Variants in ZFR2 observed in about 807,000 individuals in gnomAD.
ZFR2 encodes zinc finger RNA binding protein 2.
A neutral mutation model predicts 105.7 loss-of-function variants in ZFR2; 104 were observed. The observed-to-expected ratio is 0.98, with a 90% CI of 0.84 to 1.16. The LOEUF (loss-of-function observed/expected upper bound fraction) is 1.16. Among genes scored for constraint, ZFR2 ranks in the 50% most tolerant of loss-of-function variants. The pLI, the probability that ZFR2 is intolerant of heterozygous loss-of-function variation, is 0.00. For missense variants in ZFR2, 1,425 were observed against 1,355.5 expected (o/e 1.05, Z -0.80); for synonymous variants, 634 against 597.7 (o/e 1.06, Z -0.89).
At position 3,829,319 on chromosome 19, in the gene ZFR2, G is replaced by A. The variant is rs544577290; in HGVS notation, c.853-1666C>T. Among the ~76,000 whole-genome samples, 25 of 145,744 alleles carry A rather than the reference G, an allele frequency of 1.7e-4. 1 individual carries two copies. Among genetic ancestry groups the A allele is most frequent in the African/African-American group, 6.2e-4 (22 of 35,508 alleles). On this transcript the variant is annotated intron_variant, in intron 5 of 18. Coordinates refer to ENST00000262961, the MANE Select transcript of ZFR2 (RefSeq NM_015174.2). The stretch of plus-strand genomic sequence containing the variant: ...ATTACCTAAGCAATAGAATAAATAC[G>A]CATCCCTGTGCACACATACTAACTT...
In ZFR2 at chr19:3,813,296, G is replaced by T. The variant is rs142444071; in HGVS notation, c.2242+524C>A. On this transcript the variant is annotated intron_variant, in intron 14 of 18. Coordinates refer to ENST00000262961, the MANE Select transcript of ZFR2 (RefSeq NM_015174.2). This position sits in a 1 kb window ranked among gnomAD's most constrained non-coding sequence, Gnocchi z 4.4. ...ACTGATGCCTGTCTTCGCTGTGGCC[G>T]CTGGCCAAGACCCTCGCTGCCCCTA... 1.3e-5 allele frequency among the ~76,000 whole-genome samples: 2 copies of T among 152,184 alleles called. No homozygotes were observed. Among genetic ancestry groups the T allele is most frequent in the Non-Finnish European group, 2.9e-5 (2 of 68,026 alleles).
chr19:3,831,990 A>T (rs1444516103), intron 3 of ZFR2, 112 bp from the exon 4 acceptor site: 1 of 915,956 alleles, frequency 1.1e-6, no homozygotes, highest in East Asian at 2.9e-5. Context: ...TTAAGCCAGG[A>T]CCAGAGGCCA....
In ZFR2 at chr19:3,820,904, TCGGGGG is replaced by T. The variant is rs1190078878; in HGVS notation, c.1631+430_1631+435del. Among the ~76,000 whole-genome samples the T allele has an allele frequency of 7.6e-4, 70 of 91,504 alleles. 8 individuals carry two copies. Among genetic ancestry groups the T allele is most frequent in the African/African-American group, 3.0e-3 (66 of 22,266 alleles). 60.0% of individuals were successfully genotyped at this position (91,504 alleles called of 152,430 possible). A position where few individuals can be genotyped will look rare whatever the true frequency, so the allele number is the denominator to read the frequency against. On this transcript the variant is annotated intron_variant, in intron 10 of 18. Coordinates refer to ENST00000262961, the MANE Select transcript of ZFR2 (RefSeq NM_015174.2). ...TCGGGGGACACAGGGACACTAGAGG[TCGGGGG>T]ACACAGGGACACCGGGGGTCGGGGG...
chr19:3,827,349 C>T (rs1172925350), intron 6 of ZFR2, 122 bp downstream of exon 6: 44 of 1,257,664 alleles, frequency 3.5e-5, no homozygotes, highest in Non-Finnish European at 4.4e-5. Flanking sequence ...TTGGGGCGCG[C>T]TCCACTTGGG....
intron 1 of ZFR2, among the ~76,000 whole-genome samples, chr19:3,846,642 C>T (rs2038187420): frequency 6.6e-6 from 1 of 152,210 alleles, no homozygotes; most frequent in South Asian, 2.1e-4. Context: ...TGTCCCGATT[C>T]ATTCACCTTT....
At chr19:3,833,308 G>A (rs1173711909) in intron 3 of ZFR2, among the ~76,000 whole-genome samples, 1 of 151,078 alleles carries the variant, frequency 6.6e-6, no homozygotes, top group Non-Finnish European at 1.5e-5. Context: ...CGGGCATGGT[G>A]GCTCACGCCT....
chr19:3,829,118 C>T (rs1213890894), intron 5 of ZFR2, among the ~76,000 whole-genome samples: 1 of 151,972 alleles, frequency 6.6e-6, no homozygotes, highest in African/African-American at 2.4e-5. Context: ...TCTGCCACCA[C>T]GCCTGGCTAA....
intron 16 of ZFR2, among the ~76,000 whole-genome samples, chr19:3,809,358 T>A (rs1159571737): frequency 1.3e-5 from 2 of 152,072 alleles, no homozygotes; most frequent in Non-Finnish European, 2.9e-5. Flanking sequence ...CACAGTGACA[T>A]CACATGCCAG....
At chr19:3,828,816 G>A (rs764017303) in intron 5 of ZFR2, among the ~76,000 whole-genome samples, 1 of 152,112 alleles carries the variant, frequency 6.6e-6, no homozygotes, top group Non-Finnish European at 1.5e-5. Flanking sequence ...GAAAATACTG[G>A]GGCACAGTGG....
At chr19:3,837,474 CAAACACCATGACCATGACACTCAAT>C (rs1568427061) in intron 1 of ZFR2, among the ~76,000 whole-genome samples, 1 of 149,296 alleles carries the variant, frequency 6.7e-6, no homozygotes, top group Admixed American at 6.7e-5. Context: ...ATGGGACACT[CAAACACCATGACCATGACACTCAAT>C]GAACACCGTG....
rs1462154523 is a variant in ZFR2 at position 3,813,894 on chromosome 19, CAGG to C, written c.2165_2167del (p.Ser722del). Reference sequence around the variant, plus strand: ...GGTGACCTGCATCCTGGGCTCCTCACAGGAGGAGATGACAATGTTGGCTTCAGG... The same window carrying C: ...GGTGACCTGCATCCTGGGCTCCTCACAGGAGATGACAATGTTGGCTTCAGG... On this transcript the variant is annotated inframe_deletion, in exon 14 of 19. Coordinates refer to ENST00000262961, the MANE Select transcript of ZFR2 (RefSeq NM_015174.2). This position sits in a 1 kb window ranked among gnomAD's most constrained non-coding sequence, Gnocchi z 4.4. 2.5e-6 allele frequency: 4 copies of C among 1,613,962 alleles called. No homozygotes were observed. In the East Asian group the frequency reaches 8.9e-5, roughly 36 times the overall value.
intron 3 of ZFR2, 115 bp from the exon 4 acceptor site, chr19:3,831,993 A>AG: frequency 1.1e-6 from 1 of 883,502 alleles, no homozygotes; most frequent in Non-Finnish European, 1.6e-6. Context: ...AGCCAGGACC[A>AG]GAGGCCAGAG....
chr19:3,807,280 G>C lies in ZFR2; in HGVS notation c.2546-11C>G, dbSNP rs745308385. On this transcript the variant is annotated splice_polypyrimidine_tract_variant and intron_variant, in intron 17 of 18. Coordinates refer to ENST00000262961, the MANE Select transcript of ZFR2 (RefSeq NM_015174.2). ...GGAGCCCGGGCCCGTCTTTGTGACG[G>C]GGAGTGGGAACAGCAAAGAAGGCGA... 14 of 1,547,380 alleles carry C rather than the reference G, an allele frequency of 9.0e-6. No homozygotes were observed. The highest frequency in any genetic ancestry group is 1.2e-5 in the Non-Finnish European group (14 of 1,142,972).
At chr19:3,817,156 C>T (rs1398564115) in intron 12 of ZFR2, among the ~76,000 whole-genome samples, 1 of 152,330 alleles carries the variant, frequency 6.6e-6, no homozygotes, top group East Asian at 1.9e-4. Flanking sequence ...GGTCTGGTGG[C>T]TCCCGCGTTC....
At position 3,851,177 on chromosome 19, in the gene ZFR2, C is replaced by T. The variant is rs575324759; in HGVS notation, c.54-16194G>A. 3.3e-5 allele frequency among the ~76,000 whole-genome samples: 5 copies of T among 152,176 alleles called. 1 individual carries two copies. The South Asian group carries it at 1.0e-3, about 32-fold the overall frequency. ...AGAGGGGAGCAGTTAGAGGGAAGGC[C>T]CATTAAGGACACGAGACACACAGGG... On this transcript the variant is annotated intron_variant, in intron 1 of 18. Transcript: ENST00000262961.
chr19:3,821,994 G>C (rs1030805242), intron 9 of ZFR2, 87 bp downstream of exon 9: 21 of 1,479,760 alleles, frequency 1.4e-5, no homozygotes, highest in Non-Finnish European at 1.8e-5. Flanking sequence ...TCACACGCGC[G>C]GAAGAGGCCC....
In ZFR2 at chr19:3,806,132, G is replaced by A. The variant is rs1240190062; in HGVS notation, c.2644-7C>T. 2 of 1,430,966 alleles carry A rather than the reference G, an allele frequency of 1.4e-6. No homozygotes were observed. Among genetic ancestry groups the A allele is most frequent in the South Asian group, 2.9e-5 (2 of 68,096 alleles). 88.6% of individuals were successfully genotyped at this position (1,430,966 alleles called of 1,614,324 possible). A position where few individuals can be genotyped will look rare whatever the true frequency, so the allele number is the denominator to read the frequency against. On this transcript the variant is annotated splice_region_variant and splice_polypyrimidine_tract_variant and intron_variant, in intron 18 of 18. Transcript: ENST00000262961. The stretch of plus-strand genomic sequence containing the variant: ...CCAGCATTCGCAGGGCGTGCTGCGG[G>A]GCACACACAGCCTGTCAGGACCCCC...
chr19:3,864,945 C>T (rs1026190843), intron 1 of ZFR2, among the ~76,000 whole-genome samples: 2 of 151,994 alleles, frequency 1.3e-5, no homozygotes, highest in African/African-American at 2.4e-5. Flanking sequence ...GATTGGGTTT[C>T]ACCATGTTGG....
At chr19:3,821,576 A>C in intron 9 of ZFR2, 97 bp from the exon 10 acceptor site, 1 of 1,141,930 alleles carries the variant, frequency 8.8e-7, no homozygotes, top group Admixed American at 2.9e-5. Context: ...AGAGACTAGA[A>C]CTGTTGGGCT....
Sources: allele counts gnomAD v4.1 joint callset (sites outside exome capture counted in the v4.1 genomes callset), GRCh38; gene constraint gnomAD v4.1.1; non-coding constraint Gnocchi (gnomAD v3.1); transcripts MANE v1.5; gene names NCBI Gene and HGNC (gene_info 2026-07-23, HGNC 2026-07-21).